The following TRPM3 variants were observed in gnomAD, a reference collection of about 807,000 sequenced individuals.
TRPM3 encodes the protein transient receptor potential cation channel subfamily M member 3, also known as long transient receptor potential channel 3.
TRPM3 carries 77 observed loss-of-function variants against 181.2 expected under a neutral mutation model. The ratio of observed to expected loss-of-function variants is 0.42; its 90% CI spans 0.35 to 0.51. The LOEUF (loss-of-function observed/expected upper bound fraction) is 0.51, where lower values mean the gene tolerates loss of function less well. Ranked by LOEUF, TRPM3 falls within the 20% of genes least tolerant of loss-of-function variation. The pLI is 0.01. For missense variants in TRPM3, 1,759 were observed against 2,196.7 expected (o/e 0.80, Z 3.98); for synonymous variants, 745 against 796.4 (o/e 0.94, Z 1.09).
intron 8 of TRPM3, among the ~76,000 whole-genome samples, chr9:70,685,200 G>C (rs2066448250): frequency 6.6e-6 from 1 of 151,916 alleles, no homozygotes; most frequent in Non-Finnish European, 1.5e-5. Context: ...TCAAAATCAA[G>C]AAATTTTATG....
At chr9:70,573,414 C>T (rs2052992436) in intron 22 of TRPM3, among the ~76,000 whole-genome samples, 1 of 152,150 alleles carries the variant, frequency 6.6e-6, no homozygotes, top group African/African-American at 2.4e-5. Context: ...GAGTTAGGCT[C>T]AGATAATTAT....
intron 1 of TRPM3, among the ~76,000 whole-genome samples, chr9:71,075,471 C>G (rs1469828706): frequency 6.6e-6 from 1 of 152,182 alleles, no homozygotes; most frequent in Non-Finnish European, 1.5e-5. Context: ...ATCTTTACTT[C>G]TCTATGCAAA....
chr9:71,136,809 G>GA (rs941210879), intron 1 of TRPM3, among the ~76,000 whole-genome samples: 1 of 152,190 alleles, frequency 6.6e-6, no homozygotes, highest in Admixed American at 6.5e-5. Context: ...AACAGCCCTG[G>GA]AAAAGGCAAG....
At chr9:71,379,649 C>A (rs1338459335) in intron 1 of TRPM3, among the ~76,000 whole-genome samples, 1 of 151,968 alleles carries the variant, frequency 6.6e-6, no homozygotes, top group Non-Finnish European at 1.5e-5. Flanking sequence ...CTCAAACACT[C>A]ACAGCTGGGA....
intron 1 of TRPM3, among the ~76,000 whole-genome samples, chr9:71,055,258 A>G (rs1331869617): frequency 1.3e-5 from 2 of 152,126 alleles, no homozygotes; most frequent in Non-Finnish European, 2.9e-5. Context: ...GAGACTGGTT[A>G]TAAAAATAAT....
chr9:71,017,665 A>G (rs573994514), intron 1 of TRPM3, among the ~76,000 whole-genome samples: 127 of 152,012 alleles, frequency 8.4e-4, no homozygotes, highest in African/African-American at 2.9e-3. Context: ...TAATGTGCAT[A>G]TACTTAATTA....
At chr9:71,077,693 C>T (rs968072075) in intron 1 of TRPM3, among the ~76,000 whole-genome samples, 15 of 152,038 alleles carry the variant, frequency 9.9e-5, no homozygotes, top group Admixed American at 2.6e-4. Context: ...ACACTCTGCC[C>T]GCACTAGTGG....
At chr9:71,368,723 C>CT (rs2092418146) in intron 1 of TRPM3, among the ~76,000 whole-genome samples, 1 of 152,092 alleles carries the variant, frequency 6.6e-6, no homozygotes, top group Non-Finnish European at 1.5e-5. Context: ...CATGTGTTGG[C>CT]TTTGGTTCGT....
intron 1 of TRPM3, among the ~76,000 whole-genome samples, chr9:71,388,625 T>A (rs1020102445): frequency 9.2e-5 from 14 of 152,242 alleles, no homozygotes; most frequent in Middle Eastern, 6.8e-3. Flanking sequence ...GTTGACAGAG[T>A]ACAGAGTATA....
At chr9:70,905,376 T>G (rs1282742121) in intron 1 of TRPM3, among the ~76,000 whole-genome samples, 1 of 152,222 alleles carries the variant, frequency 6.6e-6, no homozygotes, top group East Asian at 1.9e-4. Flanking sequence ...TAATGAAAAG[T>G]CTCTCTCTTC....
At chr9:70,758,784 A>T (rs1275044091) in intron 8 of TRPM3, among the ~76,000 whole-genome samples, 1 of 152,256 alleles carries the variant, frequency 6.6e-6, no homozygotes. Context: ...CCATATGCAG[A>T]AAACTGAAAC....
intron 1 of TRPM3, among the ~76,000 whole-genome samples, chr9:71,350,947 C>T (rs899571211): frequency 5.9e-5 from 9 of 152,200 alleles, no homozygotes; most frequent in Admixed American, 2.0e-4. Context: ...TATCTACCTC[C>T]ATGCTCATAA....
At chr9:70,961,442 T>G (rs983617480) in intron 1 of TRPM3, among the ~76,000 whole-genome samples, 9 of 152,152 alleles carry the variant, frequency 5.9e-5, no homozygotes, top group African/African-American at 1.7e-4. Context: ...GAAACTCATC[T>G]TCTACCTGTC....
At chr9:71,002,735 TTAAA>T (rs1246648330) in intron 1 of TRPM3, among the ~76,000 whole-genome samples, 1 of 152,166 alleles carries the variant, frequency 6.6e-6, no homozygotes, top group Non-Finnish European at 1.5e-5. Flanking sequence ...TAGCTCTAAC[TTAAA>T]TAATCTTTAT....
intron 8 of TRPM3, among the ~76,000 whole-genome samples, chr9:70,739,152 A>G (rs2073430044): frequency 6.6e-6 from 1 of 152,172 alleles, no homozygotes; most frequent in South Asian, 2.1e-4. Flanking sequence ...CCCTAATACC[A>G]AAACCAGGAA....
chr9:70,814,776 C>T (rs2092527684), intron 6 of TRPM3, among the ~76,000 whole-genome samples: 2 of 152,010 alleles, frequency 1.3e-5, no homozygotes, highest in Admixed American at 1.3e-4. Flanking sequence ...AGAATGATAT[C>T]CATACCCTTG....
chr9:70,789,998 T>C (rs2084970021), intron 6 of TRPM3, among the ~76,000 whole-genome samples: 1 of 152,070 alleles, frequency 6.6e-6, no homozygotes, highest in Non-Finnish European at 1.5e-5. Flanking sequence ...GCAGTCTTTC[T>C]TCTTCTTCTC....
At chr9:71,164,629 T>A (rs1422837212) in intron 1 of TRPM3, among the ~76,000 whole-genome samples, 1 of 152,014 alleles carries the variant, frequency 6.6e-6, no homozygotes, top group Non-Finnish European at 1.5e-5. Flanking sequence ...GTCAGTGATT[T>A]TAAGGAGAAG....
At chr9:70,828,369 T>G (rs552292784) in intron 5 of TRPM3, among the ~76,000 whole-genome samples, 1 of 152,332 alleles carries the variant, frequency 6.6e-6, no homozygotes, top group East Asian at 1.9e-4. Context: ...AATCTAGTTA[T>G]TTTGTTTCTT....
Sources: gnomAD v4.1 joint callset for allele counts (sites outside exome capture counted in the v4.1 genomes callset) on GRCh38, gnomAD v4.1.1 for gene constraint, MANE v1.5 for transcripts, NCBI Gene and HGNC (gene_info 2026-07-23, HGNC 2026-07-21) for gene names.